GRID2: variants seen among roughly 807,000 people sequenced by gnomAD.
The protein encoded by GRID2 is glutamate ionotropic receptor delta type subunit 2, also known as glutamate receptor ionotropic, delta-2.
A neutral mutation model predicts 114.8 loss-of-function variants in GRID2; 33 were observed. The observed-to-expected ratio is 0.29, with a 90% CI of 0.22 to 0.38. GRID2 has a LOEUF of 0.38. Among genes scored for constraint, GRID2 ranks in the 10% least tolerant of loss-of-function variants. The probability of loss-of-function intolerance (pLI) is 1.00; values close to 1 mark genes in which losing one functional copy is unlikely to be tolerated. For synonymous variants in GRID2, 505 were observed against 449.9 expected, an observed-to-expected ratio of 1.12 and a Z score of -1.55; for missense variants, 1,184 against 1,257.7, an observed-to-expected ratio of 0.94 and a Z score of 0.89.
chr4:92,874,878 T>G (rs1745510517), intron 2 of GRID2, among the ~76,000 whole-genome samples: 1 of 152,206 alleles, frequency 6.6e-6, no homozygotes, highest in African/African-American at 2.4e-5. Context: ...ACCATTTTAT[T>G]TTCTTTTTTC....
chr4:92,532,397 G>T (rs1725398846), intron 1 of GRID2, among the ~76,000 whole-genome samples: 1 of 152,168 alleles, frequency 6.6e-6, no homozygotes, highest in African/African-American at 2.4e-5. Context: ...TCAATACCTA[G>T]GCTAAACAGA....
At chr4:92,619,154 G>A (rs1730149478) in intron 2 of GRID2, among the ~76,000 whole-genome samples, 1 of 151,592 alleles carries the variant, frequency 6.6e-6, no homozygotes, top group Non-Finnish European at 1.5e-5. Flanking sequence ...CGTAGTATGA[G>A]TAAATTTTCC....
intron 2 of GRID2, among the ~76,000 whole-genome samples, chr4:93,081,049 C>T (rs1385129015): frequency 6.6e-6 from 1 of 152,158 alleles, no homozygotes; most frequent in Non-Finnish European, 1.5e-5. Context: ...ACATTAGGTT[C>T]CACCTCCCAA....
At position 93,416,374 on chromosome 4, in the gene GRID2, T is replaced by C. The variant is rs560347224; in HGVS notation, c.1348-6397T>C. On this transcript the variant is annotated intron_variant, in intron 9 of 15. Transcript: ENST00000282020. ...CTCACACCATGCATAAAGACAACTA[T>C]TGTTTGCTTCAGCCAGGAGTATGTT... Among the ~76,000 whole-genome samples the C allele has an allele frequency of 2.6e-5, 4 of 152,244 alleles. No individual in the cohort carries two copies. The South Asian group carries it at 8.3e-4, about 32-fold the overall frequency.
intron 9 of GRID2, among the ~76,000 whole-genome samples, chr4:93,406,458 G>A (rs550433705): frequency 5.3e-5 from 8 of 152,246 alleles, no homozygotes; most frequent in Admixed American, 2.0e-4. Context: ...TTGTAAATTA[G>A]AGGGAGCTGA....
chr4:92,938,871 A>G (rs1040707281), intron 2 of GRID2, among the ~76,000 whole-genome samples: 4 of 146,638 alleles, frequency 2.7e-5, no homozygotes, highest in African/African-American at 4.9e-5. Context: ...AGCTTCAACC[A>G]TGTCCCTACA....
chr4:92,371,463 A>G (rs542353496), intron 1 of GRID2, among the ~76,000 whole-genome samples: 1 of 152,216 alleles, frequency 6.6e-6, no homozygotes, highest in Non-Finnish European at 1.5e-5. Flanking sequence ...TGAAAATCCT[A>G]GGGGTCTTAA....
intron 2 of GRID2, among the ~76,000 whole-genome samples, chr4:92,909,660 GT>G (rs1315147572): frequency 2.0e-5 from 3 of 152,094 alleles, no homozygotes; most frequent in Non-Finnish European, 4.4e-5. Context: ...GTGTAAAAAT[GT>G]GTCTTATACA....
intron 2 of GRID2, among the ~76,000 whole-genome samples, chr4:92,934,336 T>TC (rs1388101594): frequency 6.6e-6 from 1 of 151,794 alleles, no homozygotes; most frequent in African/African-American, 2.4e-5. Context: ...TCTCTGTCTG[T>TC]TATTGGTGTA....
intron 7 of GRID2, among the ~76,000 whole-genome samples, chr4:93,233,382 A>C (rs1746380524): frequency 6.7e-6 from 1 of 149,822 alleles, no homozygotes; most frequent in South Asian, 2.1e-4. Context: ...TCGCTGTGTC[A>C]TTCAGGCTGG....
At chr4:93,543,413 T>A (rs1046171836) in intron 13 of GRID2, among the ~76,000 whole-genome samples, 5 of 152,226 alleles carry the variant, frequency 3.3e-5, no homozygotes, top group African/African-American at 1.2e-4. Context: ...TATGTCTCAA[T>A]TATTTCTCTC....
chr4:92,941,640 A>G (rs959668132), intron 2 of GRID2, among the ~76,000 whole-genome samples: 21 of 151,996 alleles, frequency 1.4e-4, no homozygotes, highest in African/African-American at 5.1e-4. Context: ...TTGCTTCTCC[A>G]GTTCTTTTAA....
At chr4:93,237,855 A>G (rs1746983531) in intron 7 of GRID2, among the ~76,000 whole-genome samples, 2 of 151,902 alleles carry the variant, frequency 1.3e-5, no homozygotes, top group South Asian at 2.1e-4. Context: ...GATTTGGAAA[A>G]TATATTTAAA....
At chr4:92,381,010 C>A (rs1489614860) in intron 1 of GRID2, among the ~76,000 whole-genome samples, 1 of 151,802 alleles carries the variant, frequency 6.6e-6, no homozygotes, top group African/African-American at 2.4e-5. Flanking sequence ...CTTTTCCCTC[C>A]AATATTATTT....
intron 1 of GRID2, among the ~76,000 whole-genome samples, chr4:92,578,929 C>A (rs1010210199): frequency 1.3e-5 from 2 of 152,106 alleles, no homozygotes; most frequent in Non-Finnish European, 2.9e-5. Context: ...TACCAAAAAA[C>A]CAGAATTCAC....
intron 2 of GRID2, among the ~76,000 whole-genome samples, chr4:92,591,816 T>C (rs559150205): frequency 6.6e-6 from 1 of 152,200 alleles, no homozygotes; most frequent in Non-Finnish European, 1.5e-5. Context: ...TGAATAGAAC[T>C]GTTTTAAGTA....
chr4:93,173,488 G>A (rs1437332175), intron 4 of GRID2, among the ~76,000 whole-genome samples: 2 of 152,134 alleles, frequency 1.3e-5, no homozygotes, highest in Non-Finnish European at 2.9e-5. Flanking sequence ...GAAAGGCAGA[G>A]CCCATGCTTA....
chr4:93,006,156 T>C (rs922654620), intron 2 of GRID2, among the ~76,000 whole-genome samples: 1 of 152,186 alleles, frequency 6.6e-6, no homozygotes, highest in Non-Finnish European at 1.5e-5. Flanking sequence ...ATAAGCAGCA[T>C]AACTACCCAC....
intron 8 of GRID2, among the ~76,000 whole-genome samples, chr4:93,317,373 A>T (rs1195648425): frequency 6.6e-6 from 1 of 151,608 alleles, no homozygotes; most frequent in African/African-American, 2.4e-5. Flanking sequence ...TTATTGTACC[A>T]TCATGCTCTG....
Sources: gnomAD v4.1 joint callset for allele counts (sites outside exome capture counted in the v4.1 genomes callset) on GRCh38, gnomAD v4.1.1 for gene constraint, MANE v1.5 for transcripts, NCBI Gene and HGNC (gene_info 2026-07-23, HGNC 2026-07-21) for gene names.